SEM1: variants seen among roughly 807,000 people sequenced by gnomAD.
SEM1 encodes the protein SEM1 26S proteasome subunit, also known as 26S proteasome complex subunit SEM1.
Under a neutral mutation model 12.7 loss-of-function variants are expected in SEM1, and 3 were observed. The observed-to-expected ratio is 0.24, with a 90% CI of 0.11 to 0.61. The LOEUF (loss-of-function observed/expected upper bound fraction) is 0.61. Among genes scored for constraint, SEM1 ranks in the 20% least tolerant of loss-of-function variants. The pLI is 0.88. For missense variants in SEM1, 59 were observed against 81.3 expected, an observed-to-expected ratio of 0.73 and a Z score of 1.06; for synonymous variants, 30 against 27.8, an observed-to-expected ratio of 1.08 and a Z score of -0.25.
At chr7:96,545,971 G>C (rs1414453874) in intron 2 of SEM1, among the ~76,000 whole-genome samples, 9 of 152,174 alleles carry the variant, frequency 5.9e-5, no homozygotes, top group African/African-American at 2.2e-4. Flanking sequence ...TGAAGAATGA[G>C]ACCTAAGAAC....
chr7:96,683,909 G>A (rs1789690308), downstream of SEM1, among the ~76,000 whole-genome samples: 1 of 152,052 alleles, frequency 6.6e-6, no homozygotes, highest in Non-Finnish European at 1.5e-5. Context: ...GATAGCATTA[G>A]GAGAAATACC....
intron 2 of SEM1, among the ~76,000 whole-genome samples, chr7:96,605,100 A>G (rs1426141587): frequency 6.6e-6 from 1 of 152,186 alleles, no homozygotes; most frequent in African/African-American, 2.4e-5. Flanking sequence ...AAGTTAACAT[A>G]AAAATTACAT....
chr7:96,692,212 T>A (rs1271092224), intron 2 of SEM1, among the ~76,000 whole-genome samples: 1 of 152,190 alleles, frequency 6.6e-6, no homozygotes. Context: ...CATTTACTAC[T>A]GAAAGTTTCT....
chr7:96,620,221 G>A (rs1807849479), downstream of SEM1, among the ~76,000 whole-genome samples: 1 of 151,962 alleles, frequency 6.6e-6, no homozygotes, highest in South Asian at 2.1e-4. Flanking sequence ...CAGGCAAGCA[G>A]TGTAGGCAAG....
chr7:96,522,891 CA>C lies in SEM1; in HGVS notation c.171-16194del, dbSNP rs540895823. ...GGGCAACAAGAGTGAAACTCCATCT[CA>C]AAAAAAAAAAAAAAAAAAAGAGAGA... On this transcript the variant is annotated intron_variant and NMD_transcript_variant, in intron 2 of 3. Transcript: ENST00000466986. Among the ~76,000 whole-genome samples, 571 of 87,650 alleles carry C rather than the reference CA, an allele frequency of 6.5e-3. 1 individual carries two copies. Among genetic ancestry groups the C allele is most frequent in the African/African-American group, 0.022 (475 of 21,340 alleles). 57.5% of individuals were successfully genotyped at this position (87,650 alleles called of 152,430 possible).
intron 2 of SEM1, among the ~76,000 whole-genome samples, chr7:96,690,749 T>C (rs551697722): frequency 6.8e-4 from 104 of 152,278 alleles, no homozygotes; most frequent in Non-Finnish European, 2.6e-4. Flanking sequence ...ATATCTGATT[T>C]GGTAAATCAG....
intron 3 of SEM1, among the ~76,000 whole-genome samples, chr7:96,505,749 A>G (rs1803735917): frequency 6.6e-6 from 1 of 152,052 alleles, no homozygotes; most frequent in South Asian, 2.1e-4. Context: ...GTGGTCTCTT[A>G]TAAGGGCACT....
Position 96,640,465 on chromosome 7 carries a change from G to T in SEM1, c.171-17822C>A, listed in dbSNP as rs550582691. Among the ~76,000 whole-genome samples, 1 of 152,130 alleles carries T rather than the reference G, an allele frequency of 6.6e-6. No homozygotes were observed. Among genetic ancestry groups the T allele is most frequent in the East Asian group, 1.9e-4 (1 of 5,176 alleles). On this transcript the variant is annotated intron_variant, in intron 2 of 2. Transcript: ENST00000417009. This position sits in a 1 kb window ranked among gnomAD's most constrained non-coding sequence, Gnocchi z 4.0. ...AGGTGCATATTACCAAGTGAAGGAA[G>T]CTCATCTGAAAATGCCACATACTGT...
At chr7:96,574,024 G>A (rs1419373233) in intron 2 of SEM1, among the ~76,000 whole-genome samples, 1 of 151,800 alleles carries the variant, frequency 6.6e-6, no homozygotes, top group Non-Finnish European at 1.5e-5. Context: ...CCATGTTGGT[G>A]TGCTGCACCC....
chr7:96,684,481 G>A (rs1351676323), downstream of SEM1, among the ~76,000 whole-genome samples: 1 of 151,976 alleles, frequency 6.6e-6, no homozygotes, highest in Non-Finnish European at 1.5e-5. Flanking sequence ...GGGCGGGGGA[G>A]GCAGGGGAGA....
At chr7:96,519,813 G>T (rs537479227) in intron 2 of SEM1, among the ~76,000 whole-genome samples, 19 of 152,230 alleles carry the variant, frequency 1.2e-4, no homozygotes, top group Non-Finnish European at 1.6e-4. Flanking sequence ...GGTAAGGGGG[G>T]TTATTCCGAG....
At chr7:96,584,279 A>C (rs1427102421) in intron 2 of SEM1, among the ~76,000 whole-genome samples, 1 of 152,148 alleles carries the variant, frequency 6.6e-6, no homozygotes, top group Non-Finnish European at 1.5e-5. Flanking sequence ...TTTCTTTAAG[A>C]ATGTTGAATA....
At chr7:96,610,873 T>C (rs377658332) in intron 2 of SEM1, among the ~76,000 whole-genome samples, 4 of 152,298 alleles carry the variant, frequency 2.6e-5, no homozygotes, top group African/African-American at 9.6e-5. Flanking sequence ...CTTTGGTATA[T>C]TGATTATTTT....
intron 2 of SEM1, among the ~76,000 whole-genome samples, chr7:96,552,685 T>C (rs1364570858): frequency 6.6e-6 from 1 of 151,450 alleles, no homozygotes; most frequent in African/African-American, 2.4e-5. Flanking sequence ...GCATGATTTA[T>C]AGTCCTTTGG....
At chr7:96,656,235 G>A (rs953195679) in intron 2 of SEM1, among the ~76,000 whole-genome samples, 1 of 152,162 alleles carries the variant, frequency 6.6e-6, no homozygotes, top group African/African-American at 2.4e-5. Flanking sequence ...GTCCGTTTCT[G>A]GCTTTTGGTT....
At chr7:96,618,565 T>G (rs989330817), downstream of SEM1, among the ~76,000 whole-genome samples, 8 of 152,172 alleles carry the variant, frequency 5.3e-5, no homozygotes, top group Non-Finnish European at 1.0e-4. Context: ...CTCAAAGACT[T>G]TGTTCATTCT....
intron 2 of SEM1, among the ~76,000 whole-genome samples, chr7:96,564,065 CAG>C (rs971019342): frequency 6.0e-4 from 92 of 152,134 alleles, no homozygotes; most frequent in African/African-American, 2.2e-3. Context: ...TATTTAAAAT[CAG>C]AGAGTTTACC....
chr7:96,523,225 G>T (rs1289762709), intron 2 of SEM1, among the ~76,000 whole-genome samples: 1 of 152,040 alleles, frequency 6.6e-6, no homozygotes, highest in Admixed American at 6.6e-5. Context: ...ACCAAACTTA[G>T]TTTGACATAA....
At chr7:96,501,022 T>C (rs1435443765), upstream of SEM1, among the ~76,000 whole-genome samples, 1 of 152,194 alleles carries the variant, frequency 6.6e-6, no homozygotes, top group East Asian at 1.9e-4. Context: ...AAGATGTTAC[T>C]GCCTAAAGAC....
Sources: gnomAD v4.1 joint callset for allele counts (sites outside exome capture counted in the v4.1 genomes callset) on GRCh38, gnomAD v4.1.1 for gene constraint, Gnocchi (gnomAD v3.1) non-coding constraint, MANE v1.5 for transcripts, NCBI Gene and HGNC (gene_info 2026-07-23, HGNC 2026-07-21) for gene names.